The following CLASP1 variants were observed in gnomAD, a reference collection of about 807,000 sequenced individuals.
The protein encoded by CLASP1 is CLIP-associating protein 1.
CLASP1 carries 38 observed loss-of-function variants against 192.3 expected under a neutral mutation model. The observed-to-expected ratio is 0.20, with a 90% CI of 0.15 to 0.26. The LOEUF is 0.26. CLASP1 is among the 10% of genes least tolerant of loss of function. The pLI, the probability that CLASP1 is intolerant of heterozygous loss-of-function variation, is 1.00. For synonymous variants in CLASP1, 691 were observed against 712.8 expected (o/e 0.97, Z 0.49); for missense variants, 1,433 against 1,932.5 (o/e 0.74, Z 4.85).
intron 15 of CLASP1, 100 bp downstream of exon 15, chr2:121,451,690 A>C (rs1032240231): frequency 7.1e-6 from 6 of 845,998 alleles, no homozygotes; most frequent in Middle Eastern, 2.2e-4. Context: ...AAACGCATAT[A>C]TTCCTCCATT....
chr2:121,357,850 C>T (rs968281049), intron 37 of CLASP1, among the ~76,000 whole-genome samples: 4 of 152,200 alleles, frequency 2.6e-5, no homozygotes, highest in African/African-American at 7.2e-5. Context: ...GCCCATGCCC[C>T]CTCCCTTGGC....
intron 37 of CLASP1, among the ~76,000 whole-genome samples, chr2:121,350,862 T>C (rs2064235582): frequency 6.6e-6 from 1 of 152,230 alleles, no homozygotes; most frequent in African/African-American, 2.4e-5. Context: ...GATAACTTTG[T>C]TTTCCTCTTC....
intron 23 of CLASP1, among the ~76,000 whole-genome samples, chr2:121,414,980 T>C (rs2078320714): frequency 6.6e-6 from 1 of 152,090 alleles, no homozygotes; most frequent in South Asian, 2.1e-4. Flanking sequence ...GAGGTCTCCC[T>C]ATGTTGCCTG....
At chr2:121,408,180 C>T (rs80343852) in intron 24 of CLASP1, among the ~76,000 whole-genome samples, 3 of 152,202 alleles carry the variant, frequency 2.0e-5, no homozygotes, top group African/African-American at 7.2e-5. Context: ...AACAGCCCCT[C>T]CCCAGTCAAA....
chr2:121,592,777 C>T (rs1195269767), intron 2 of CLASP1, among the ~76,000 whole-genome samples: 1 of 152,130 alleles, frequency 6.6e-6, no homozygotes, highest in Non-Finnish European at 1.5e-5. Flanking sequence ...CTCAGCCTCC[C>T]GTGTAGCTGG....
chr2:121,549,192 T>C (rs4848711), intron 2 of CLASP1, among the ~76,000 whole-genome samples: 143,338 of 152,332 alleles, frequency 0.94, 67,547 homozygotes, highest in East Asian at 1. Context: ...TTCAAGAAAC[T>C]GATCTCACAT....
At chr2:121,606,433 C>A (rs2064423408) in intron 1 of CLASP1, among the ~76,000 whole-genome samples, 1 of 152,178 alleles carries the variant, frequency 6.6e-6, no homozygotes, top group African/African-American at 2.4e-5. Context: ...CAGAATTTCC[C>A]AGCTTGTAAA....
chr2:121,343,984 T>C (rs993582779), intron 39 of CLASP1, among the ~76,000 whole-genome samples: 17 of 151,986 alleles, frequency 1.1e-4, no homozygotes, highest in African/African-American at 3.4e-4. Flanking sequence ...AGCAGGACAA[T>C]CGTTTGAACC....
intron 2 of CLASP1, among the ~76,000 whole-genome samples, chr2:121,584,565 T>A (rs2061522949): frequency 6.6e-6 from 1 of 152,100 alleles, no homozygotes; most frequent in Non-Finnish European, 1.5e-5. Context: ...CACAAAGAGA[T>A]GACTGCTTAT....
Position 121,390,804 on chromosome 2 carries a change from A to C in CLASP1, c.3124-2898T>G, listed in dbSNP as rs116104375. Among the ~76,000 whole-genome samples, 749 of 152,256 alleles carry C rather than the reference A, an allele frequency of 4.9e-3. 8 individuals are homozygous for C. Among genetic ancestry groups the C allele is most frequent in the African/African-American group, 0.017 (726 of 41,552 alleles). On this transcript the variant is annotated intron_variant, in intron 30 of 39. Transcript: ENST00000263710. The stretch of plus-strand genomic sequence containing the variant: ...ATTTCAAAACCCTCAGACATTTCTC[A>C]TTTAGTATCTCTCCTTTCTTTTTTT...
chr2:121,555,878 T>C (rs1295317857), intron 2 of CLASP1, among the ~76,000 whole-genome samples: 2 of 152,018 alleles, frequency 1.3e-5, no homozygotes, highest in Non-Finnish European at 2.9e-5. Context: ...GAGATGGGGT[T>C]TCACCATGTT....
intron 37 of CLASP1, among the ~76,000 whole-genome samples, chr2:121,353,638 T>C (rs1479005984): frequency 6.6e-6 from 1 of 152,194 alleles, no homozygotes; most frequent in East Asian, 1.9e-4. Context: ...TTTGCTGAAA[T>C]TGTCCCTCCC....
At chr2:121,550,576 C>T (rs1050901135) in intron 2 of CLASP1, among the ~76,000 whole-genome samples, 2 of 152,022 alleles carry the variant, frequency 1.3e-5, no homozygotes, top group African/African-American at 4.8e-5. Flanking sequence ...CTACTGACCC[C>T]ATAAAAATAA....
chr2:121,364,784 C>T, intron 36 of CLASP1: 1 of 333,902 alleles, frequency 3.0e-6, no homozygotes, highest in East Asian at 6.2e-5. Flanking sequence ...TCCTAAAAGA[C>T]CACATTCTAT....
Position 121,448,934 on chromosome 2 carries a change from G to A in CLASP1, c.1691+19C>T, listed in dbSNP as rs2084897651. ...ATACAAATTCTCACATGAATGATAA[G>A]CAAAGATGAATCTCTTACTTTAGAC... On this transcript the variant is annotated intron_variant, in intron 17 of 39. Transcript: ENST00000263710. The A allele has an allele frequency of 6.2e-7, 1 of 1,603,184 alleles. No individual in the cohort carries two copies. Among genetic ancestry groups the A allele is most frequent in the South Asian group, 1.1e-5 (1 of 89,128 alleles).
chr2:121,383,527 G>T (rs143187988), intron 32 of CLASP1, among the ~76,000 whole-genome samples: 21 of 152,116 alleles, frequency 1.4e-4, no homozygotes, highest in African/African-American at 4.8e-4. Flanking sequence ...GGGTCTCCCT[G>T]TTAAGCCCCA....
At chr2:121,383,635 C>G (rs1318155916) in intron 32 of CLASP1, among the ~76,000 whole-genome samples, 7 of 152,046 alleles carry the variant, frequency 4.6e-5, no homozygotes, top group African/African-American at 1.7e-4. Context: ...AGTCATCCTG[C>G]TCTATGACAT....
chr2:121,586,729 G>A (rs1410871403), intron 2 of CLASP1, among the ~76,000 whole-genome samples: 1 of 152,170 alleles, frequency 6.6e-6, no homozygotes, highest in Non-Finnish European at 1.5e-5. Context: ...GGCCCTGTGA[G>A]CATAAATCCT....
chr2:121,485,326 G>A (rs1450861762), intron 8 of CLASP1, among the ~76,000 whole-genome samples: 2 of 152,190 alleles, frequency 1.3e-5, no homozygotes, highest in Admixed American at 6.5e-5. Flanking sequence ...TACAAAAAGT[G>A]TACTCTTTCT....
Sources: allele counts gnomAD v4.1 joint callset (sites outside exome capture counted in the v4.1 genomes callset), GRCh38; gene constraint gnomAD v4.1.1; transcripts MANE v1.5; gene names NCBI Gene and HGNC (gene_info 2026-07-23, HGNC 2026-07-21).